The following TRIM36 variants were observed in gnomAD, a reference collection of about 807,000 sequenced individuals.
TRIM36 encodes the protein tripartite motif containing 36.
A neutral mutation model predicts 72.4 loss-of-function variants in TRIM36; 42 were observed. That is an observed-to-expected ratio of 0.58 (90% CI 0.45 to 0.75). The LOEUF (loss-of-function observed/expected upper bound fraction) is 0.75, where lower values mean the gene tolerates loss of function less well. Among genes scored for constraint, TRIM36 ranks in the 30% least tolerant of loss-of-function variants. The pLI, the probability that TRIM36 is intolerant of heterozygous loss-of-function variation, is 0.00. For synonymous variants in TRIM36, 315 were observed against 282.8 expected, an observed-to-expected ratio of 1.11 and a Z score of -1.14; for missense variants, 913 against 857.1, an observed-to-expected ratio of 1.07 and a Z score of -0.81.
At chr5:115,126,880 T>C in intron 9 of TRIM36, 23 bp from the exon 10 acceptor site, 1 of 1,584,088 alleles carries the variant, frequency 6.3e-7, no homozygotes, top group African/African-American at 1.4e-5. Context: ...ACAAAGCATC[T>C]GTATCTTCAA....
At chr5:115,158,506 G>A (rs544285082) in intron 2 of TRIM36, among the ~76,000 whole-genome samples, 5 of 152,166 alleles carry the variant, frequency 3.3e-5, no homozygotes, top group South Asian at 2.1e-4. Flanking sequence ...ATCCTCTCCC[G>A]TATTCTGGCT....
Position 115,167,205 on chromosome 5 carries a change from T to A in TRIM36, c.27+2403A>T, listed in dbSNP as rs536005344. Reference sequence around the variant, plus strand: ...CACAGCAGCAGGGCCCTGGGCCCACTCCACTAAAACATTTTTCTCTCCTAG... The same window carrying A: ...CACAGCAGCAGGGCCCTGGGCCCACACCACTAAAACATTTTTCTCTCCTAG... On this transcript the variant is annotated intron_variant, in intron 1 of 9. Coordinates refer to ENST00000513154, the MANE Select transcript of TRIM36 (RefSeq NM_001300759.2). 3.9e-5 allele frequency among the ~76,000 whole-genome samples: 6 copies of A among 152,244 alleles called. No individual in the cohort carries two copies. The East Asian group carries it at 9.7e-4, about 25-fold the overall frequency.
In TRIM36 at chr5:115,179,653, G is replaced by A. The variant is rs916000021; in HGVS notation, c.63+322C>T. ...CTGGTTGGTGGGGCAGCGCCCCCTT[G>A]GCCAACGCCCCGCCCTCCTCTCCAT... On this transcript the variant is annotated intron_variant, in intron 1 of 9. Transcript: ENST00000282369. Among the ~76,000 whole-genome samples the A allele has an allele frequency of 3.3e-5, 5 of 152,346 alleles. No individual in the cohort carries two copies. In the South Asian group the frequency reaches 6.2e-4, roughly 19 times the overall value.
At position 115,126,358 on chromosome 5, in the gene TRIM36, T is replaced by G. The variant is rs922378544; in HGVS notation, c.*145A>C. 1 of 640,854 alleles carries G rather than the reference T, an allele frequency of 1.6e-6. No homozygotes were observed. The highest frequency in any genetic ancestry group is 1.8e-5 in the African/African-American group (1 of 54,790). The allele number at this position is 640,854 out of a possible 1,614,324, so 39.7% of individuals were successfully genotyped here. On this transcript the variant is annotated 3_prime_UTR_variant, in exon 10 of 10. Coordinates refer to ENST00000513154, the MANE Select transcript of TRIM36 (RefSeq NM_001300759.2). ...AACGACATGAAGACACAAGGCTGTT[T>G]AGATTTTCTGTATTTCAAGAAGAAT...
At chr5:115,178,892 G>T (rs1325263538) in intron 1 of TRIM36, among the ~76,000 whole-genome samples, 1 of 152,164 alleles carries the variant, frequency 6.6e-6, no homozygotes, top group Non-Finnish European at 1.5e-5. Flanking sequence ...GGGGCCATAG[G>T]ACTGTCGGGC....
rs1385186996 is a variant in TRIM36, at chr5:115,126,350, A to C, written c.*153T>G. On this transcript the variant is annotated 3_prime_UTR_variant, in exon 10 of 10. Coordinates refer to ENST00000513154, the MANE Select transcript of TRIM36 (RefSeq NM_001300759.2). ...GGCAGAACAACGACATGAAGACACA[A>C]GGCTGTTTAGATTTTCTGTATTTCA... is the stretch of plus-strand genomic sequence containing the variant. The C allele has an allele frequency of 1.6e-6, 1 of 616,254 alleles. No individual in the cohort carries two copies. The highest frequency in any genetic ancestry group is 1.8e-5 in the African/African-American group (1 of 54,330). The allele number at this position is 616,254 out of a possible 1,614,324, so 38.2% of individuals were successfully genotyped here.
At chr5:115,143,493 T>C (rs1371158249) in intron 4 of TRIM36, among the ~76,000 whole-genome samples, 3 of 151,674 alleles carry the variant, frequency 2.0e-5, no homozygotes, top group Non-Finnish European at 4.4e-5. Context: ...ATATAAACTT[T>C]AATTAAAAAA....
At position 115,130,671 on chromosome 5, in the gene TRIM36, A is replaced by G; in HGVS notation, c.1717T>C (p.Tyr573His). The change falls in exon 9 of 10, where the codon TAC becomes CAC. Residue 573 changes from tyrosine to histidine, a missense_variant. By Grantham distance (83) the Tyr-to-His change is moderately conservative (BLOSUM62 2). Coordinates refer to ENST00000513154, the MANE Select transcript of TRIM36 (RefSeq NM_001300759.2). Reference sequence around the variant, plus strand: ...GAAGCAACTCCCACTTTTACCAGGTATGAATATGGTTCCACACGGAAGGCC... The same window carrying G: ...GAAGCAACTCCCACTTTTACCAGGTGTGAATATGGTTCCACACGGAAGGCC... ...FWAFRVEPYS[Y>H]LVKVGVASSD... 6.2e-7 allele frequency: 1 copy of G among 1,614,194 alleles called. No individual in the cohort carries two copies. The highest frequency in any genetic ancestry group is 8.5e-7 in the Non-Finnish European group (1 of 1,180,032).
rs542417156 is a variant in TRIM36 at position 115,158,565 on chromosome 5, A to G, written c.262+4953T>C. Reference sequence around the variant, plus strand: ...GGACAGTTCATGAACTACCTCTCCCAATGGTGGACACTACTGTTGGGCTTT... The same window carrying G: ...GGACAGTTCATGAACTACCTCTCCCGATGGTGGACACTACTGTTGGGCTTT... On this transcript the variant is annotated intron_variant, in intron 2 of 9. Transcript: ENST00000513154. Among the ~76,000 whole-genome samples, 3 of 152,310 alleles carry G rather than the reference A, an allele frequency of 2.0e-5. No homozygotes were observed. The South Asian group carries it at 6.2e-4, about 32-fold the overall frequency.
At chr5:115,156,009 A>G (rs1754158838) in intron 2 of TRIM36, among the ~76,000 whole-genome samples, 1 of 152,202 alleles carries the variant, frequency 6.6e-6, no homozygotes, top group South Asian at 2.1e-4. Context: ...GTACACCAAC[A>G]GCGACCAAGC....
In TRIM36 at chr5:115,137,513, G is replaced by A; in HGVS notation, c.935C>T (p.Ser312Phe). Residue 312 changes from serine to phenylalanine, a missense_variant, in exon 6 of 10, where the codon TCT (serine) becomes TTT (phenylalanine). Transcript: ENST00000513154. ...AAATTTGTCTAATCTTAGTTTCTTA[G>A]AGGAGTCAATTGCTTTCAAAACAGA... The part of the protein sequence containing the change: ...KSSVLKAIDS[S>F]KKLRLDKFQT... The A allele has an allele frequency of 6.2e-7, 1 of 1,614,070 alleles. No individual in the cohort carries two copies. The highest frequency in any genetic ancestry group is 8.5e-7 in the Non-Finnish European group (1 of 1,180,008).
At chr5:115,159,774 A>G in intron 2 of TRIM36, 1 of 409,360 alleles carries the variant, frequency 2.4e-6, no homozygotes, top group Non-Finnish European at 4.8e-6. Flanking sequence ...TGAAAATAAT[A>G]CAATTATTGA....
At chr5:115,141,223 G>A (rs1580658432) in intron 5 of TRIM36, 56 bp downstream of exon 5, 2 of 1,234,906 alleles carry the variant, frequency 1.6e-6, no homozygotes, top group Non-Finnish European at 2.3e-6. Flanking sequence ...ACAAATGAAT[G>A]AATGTCTAGA....
upstream of TRIM36, among the ~76,000 whole-genome samples, chr5:115,174,499 TGTC>T (rs1433741354): frequency 6.6e-6 from 1 of 152,174 alleles, no homozygotes; most frequent in African/African-American, 2.4e-5. Context: ...TGAATGGTAT[TGTC>T]TATCAATTAT....
At chr5:115,137,883 T>A (rs1055245525) in intron 5 of TRIM36, among the ~76,000 whole-genome samples, 1 of 152,214 alleles carries the variant, frequency 6.6e-6, no homozygotes, top group Non-Finnish European at 1.5e-5. Context: ...TGTAATTTTA[T>A]AATATTGTAC....
chr5:115,138,122 C>CA (rs1417575751), intron 5 of TRIM36, among the ~76,000 whole-genome samples: 1 of 152,166 alleles, frequency 6.6e-6, no homozygotes, highest in Non-Finnish European at 1.5e-5. Context: ...TTTTTTGAGA[C>CA]AGAGTCTCGC....
intron 1 of TRIM36, among the ~76,000 whole-genome samples, chr5:115,163,980 G>C (rs1190541478): frequency 6.6e-6 from 1 of 152,026 alleles, no homozygotes; most frequent in African/African-American, 2.4e-5. Flanking sequence ...AAAATGAAGA[G>C]AAAAATTATG....
At chr5:115,169,920 G>C, upstream of TRIM36, 3 of 1,280,038 alleles carry the variant, frequency 2.3e-6, no homozygotes, top group Non-Finnish European at 3.0e-6. Flanking sequence ...GCTGGGAACG[G>C]CGCCGCGCAG....
At chr5:115,150,908 G>C (rs558257987) in intron 2 of TRIM36, among the ~76,000 whole-genome samples, 1 of 152,212 alleles carries the variant, frequency 6.6e-6, no homozygotes, top group Non-Finnish European at 1.5e-5. Context: ...CCATCAAGTC[G>C]TTTTTGCCTG....
Sources: gnomAD v4.1 joint callset for allele counts (sites outside exome capture counted in the v4.1 genomes callset) on GRCh38, gnomAD v4.1.1 for gene constraint, MANE v1.5 for transcripts, NCBI Gene and HGNC (gene_info 2026-07-23, HGNC 2026-07-21) for gene names.